RBFOX1: variants seen among roughly 807,000 people sequenced by gnomAD.
RBFOX1 encodes RNA binding protein fox-1 homolog 1.
In RBFOX1, 8 loss-of-function variants were observed where a neutral mutation model predicts 57.7. That is an observed-to-expected ratio of 0.14 (90% CI 0.08 to 0.25). The LOEUF (loss-of-function observed/expected upper bound fraction) is 0.25, where lower values mean the gene tolerates loss of function less well. Ranked by LOEUF, RBFOX1 falls within the 10% of genes least tolerant of loss-of-function variation. The pLI is 1.00. For missense variants in RBFOX1, 611 were observed against 548.5 expected, an observed-to-expected ratio of 1.11 and a Z score of -1.14; for synonymous variants, 326 against 222.4, an observed-to-expected ratio of 1.47 and a Z score of -4.15.
At chr16:7,165,422 T>A (rs113979768) in intron 4 of RBFOX1, among the ~76,000 whole-genome samples, 1 of 57,016 alleles carries the variant, frequency 1.8e-5, no homozygotes, top group Non-Finnish European at 4.1e-5. Flanking sequence ...TAATAATCAT[T>A]ATTATTATTA....
intron 1 of RBFOX1, among the ~76,000 whole-genome samples, chr16:5,398,744 G>A (rs1386042097): frequency 6.6e-6 from 1 of 152,164 alleles, no homozygotes; most frequent in Non-Finnish European, 1.5e-5. Context: ...AGTAAGTGAT[G>A]ATTCCATGGG....
At chr16:6,041,914 C>G (rs950933075) in intron 1 of RBFOX1, among the ~76,000 whole-genome samples, 7 of 152,192 alleles carry the variant, frequency 4.6e-5, no homozygotes, top group Middle Eastern at 3.4e-3. Context: ...TTCTCACTTG[C>G]AATCATCAGG....
At chr16:5,834,303 C>A (rs972649723) in intron 3 of RBFOX1, among the ~76,000 whole-genome samples, 1 of 152,058 alleles carries the variant, frequency 6.6e-6, no homozygotes, top group African/African-American at 2.4e-5. Flanking sequence ...CTCTGTATAC[C>A]CCTGGGTACC....
chr16:6,467,562 G>T (rs906539719), intron 2 of RBFOX1, among the ~76,000 whole-genome samples: 1 of 152,108 alleles, frequency 6.6e-6, no homozygotes, highest in Admixed American at 6.5e-5. Context: ...AGCTGGTTTT[G>T]TAGAACATTA....
chr16:6,831,661 A>G (rs192777723), intron 3 of RBFOX1, among the ~76,000 whole-genome samples: 1 of 152,350 alleles, frequency 6.6e-6, no homozygotes, highest in East Asian at 1.9e-4. Flanking sequence ...TTTTTAATAC[A>G]AAGATGATAA....
At chr16:6,068,368 G>T (rs2152477413) in intron 1 of RBFOX1, among the ~76,000 whole-genome samples, 1 of 152,314 alleles carries the variant, frequency 6.6e-6, no homozygotes, top group East Asian at 1.9e-4. Flanking sequence ...AATATTAAAA[G>T]CTGAGAGAGC....
At chr16:6,880,239 CAAG>C (rs1232997580) in intron 3 of RBFOX1, among the ~76,000 whole-genome samples, 6 of 152,002 alleles carry the variant, frequency 3.9e-5, no homozygotes, top group Non-Finnish European at 8.8e-5. Context: ...AGCAACATGA[CAAG>C]AAGGGAAAGA....
Position 6,019,661 on chromosome 16 carries a change from C to G in RBFOX1, c.-458C>G, listed in dbSNP as rs1372881478. On this transcript the variant is annotated 5_prime_UTR_variant, in exon 1 of 16. Transcript: ENST00000550418. This position sits in a 1 kb window ranked among gnomAD's most constrained non-coding sequence, Gnocchi z 4.2. The stretch of plus-strand genomic sequence containing the variant: ...GGGACAGCCAGCCGTGGGCCCCGCC[C>G]CGGCGTCCGGAGCAGGAGAACTCCG... 4 of 1,302,832 alleles carry G rather than the reference C, an allele frequency of 3.1e-6. No individual in the cohort carries two copies. The highest frequency in any genetic ancestry group is 3.6e-5 in the Admixed American group (1 of 27,472). 80.7% of individuals were successfully genotyped at this position (1,302,832 alleles called of 1,614,324 possible).
intron 4 of RBFOX1, among the ~76,000 whole-genome samples, chr16:7,366,485 C>A (rs971902006): frequency 7.2e-5 from 11 of 152,188 alleles, no homozygotes; most frequent in African/African-American, 2.7e-4. Flanking sequence ...GATAAACCCT[C>A]CAGGACAGAC....
At chr16:5,258,977 C>G (rs995547687) in intron 1 of RBFOX1, among the ~76,000 whole-genome samples, 3 of 151,906 alleles carry the variant, frequency 2.0e-5, no homozygotes, top group Non-Finnish European at 4.4e-5. Flanking sequence ...TCCCATCTGG[C>G]CCCTGCTCCT....
At chr16:7,596,120 T>G (rs1156690658) in intron 8 of RBFOX1, among the ~76,000 whole-genome samples, 1 of 38,360 alleles carries the variant, frequency 2.6e-5, no homozygotes, top group Non-Finnish European at 5.6e-5. Context: ...TTGTTTGTTT[T>G]TTGTGGAAAA....
At chr16:5,673,406 A>G (rs1161360199) in intron 3 of RBFOX1, among the ~76,000 whole-genome samples, 2 of 151,878 alleles carry the variant, frequency 1.3e-5, no homozygotes, top group Non-Finnish European at 2.9e-5. Context: ...GAGGGAACCC[A>G]TCCTGAAGGC....
At chr16:6,157,843 C>T (rs935128258) in intron 1 of RBFOX1, among the ~76,000 whole-genome samples, 7 of 152,108 alleles carry the variant, frequency 4.6e-5, no homozygotes, top group Non-Finnish European at 8.8e-5. Context: ...AGACTTATGT[C>T]CTATCATCTT....
intron 2 of RBFOX1, among the ~76,000 whole-genome samples, chr16:6,354,919 C>T (rs1414863101): frequency 6.6e-6 from 1 of 152,112 alleles, no homozygotes; most frequent in African/African-American, 2.4e-5. Context: ...CCAGTGTTCA[C>T]ATAAGGAGAC....
At position 6,780,333 on chromosome 16, in the gene RBFOX1, T is replaced by TTATACATATTTA. The variant is rs1318510303; in HGVS notation, c.-16+125710_-16+125721dup. Among the ~76,000 whole-genome samples, 7 of 86,278 alleles carry TTATACATATTTA rather than the reference T, an allele frequency of 8.1e-5. 1 individual carries two copies. In the South Asian group the frequency reaches 1.3e-3, roughly 16 times the overall value. 56.6% of individuals were successfully genotyped at this position (86,278 alleles called of 152,430 possible). A position where few individuals can be genotyped will look rare whatever the true frequency, so the allele number is the denominator to read the frequency against. ...TATATTTATTCATATTTATATATAT[T>TTATACATATTTA]TATACATATTTATATACATATTTAT... On this transcript the variant is annotated intron_variant, in intron 3 of 15. Coordinates refer to ENST00000550418, the MANE Select transcript of RBFOX1 (RefSeq NM_018723.4).
At chr16:7,354,066 G>C (rs2146154247) in intron 4 of RBFOX1, among the ~76,000 whole-genome samples, 1 of 152,256 alleles carries the variant, frequency 6.6e-6, no homozygotes. Flanking sequence ...CTACCTCCCA[G>C]GTTCAAGCGA....
At chr16:6,829,514 T>G (rs1313483655) in intron 3 of RBFOX1, among the ~76,000 whole-genome samples, 1 of 151,450 alleles carries the variant, frequency 6.6e-6, no homozygotes, top group Non-Finnish European at 1.5e-5. Flanking sequence ...CGTTAACTTA[T>G]AGGTACTTAG....
intron 4 of RBFOX1, among the ~76,000 whole-genome samples, chr16:7,139,740 A>G (rs994863534): frequency 6.6e-6 from 1 of 152,162 alleles, no homozygotes. Flanking sequence ...TTGAAGACTG[A>G]GAAATACATT....
chr16:7,630,613 G>T lies in RBFOX1; in HGVS notation c.687G>T (p.Leu229=), dbSNP rs2060799020. The change falls in exon 11 of 16, where the codon CTG becomes CTT. Residue 229 remains leucine, a synonymous_variant. Transcript: ENST00000550418. ...CTCTCTCTTTCGTAGGCACGGTCCT[G>T]TTGTGCCAGGCCAACCAGGAGGGAT... is the stretch of plus-strand genomic sequence containing the variant. The part of the protein sequence containing the change: ...YSPEFYAGTV[L]LCQANQEGSS... 3 of 1,614,046 alleles carry T rather than the reference G, an allele frequency of 1.9e-6. No homozygotes were observed. The highest frequency in any genetic ancestry group is 2.5e-6 in the Non-Finnish European group (3 of 1,180,042).
Sources: allele counts gnomAD v4.1 joint callset (sites outside exome capture counted in the v4.1 genomes callset), GRCh38; gene constraint gnomAD v4.1.1; non-coding constraint Gnocchi (gnomAD v3.1); transcripts MANE v1.5; gene names NCBI Gene and HGNC (gene_info 2026-07-23, HGNC 2026-07-21).